IMMP2L: variants seen among roughly 807,000 people sequenced by gnomAD.
The protein encoded by IMMP2L is mitochondrial inner membrane protease subunit 2.
IMMP2L carries 18 observed loss-of-function variants against 19.3 expected under a neutral mutation model. The observed-to-expected ratio is 0.93, with a 90% confidence interval of 0.64 to 1.38. IMMP2L has a LOEUF of 1.38. Ranked by LOEUF, IMMP2L falls within the 40% of genes most tolerant of loss-of-function variation. IMMP2L has a pLI of 0.00. For missense variants in IMMP2L, 233 were observed against 218.2 expected, an observed-to-expected ratio of 1.07 and a Z score of -0.43; for synonymous variants, 76 against 73.0, an observed-to-expected ratio of 1.04 and a Z score of -0.21.
At chr7:111,514,582 AG>A (rs1845722590) in intron 2 of IMMP2L, among the ~76,000 whole-genome samples, 1 of 152,144 alleles carries the variant, frequency 6.6e-6, no homozygotes. Context: ...ACCTCAGTAA[AG>A]CTGGAAAACA....
rs1801326366 is a variant in IMMP2L, at chr7:111,126,503, A to G, written c.240-162938T>C. On this transcript the variant is annotated intron_variant, in intron 3 of 5. Transcript: ENST00000405709. ...TCTGAAACTATTTTAAAGTAAAAGA[A>G]ACAATTAAGAATTTAATTTTTTAGT... Among the ~76,000 whole-genome samples, 4 of 152,310 alleles carry G rather than the reference A, an allele frequency of 2.6e-5. No individual in the cohort carries two copies. The South Asian group carries it at 6.2e-4, about 24-fold the overall frequency.
intron 3 of IMMP2L, among the ~76,000 whole-genome samples, chr7:111,155,218 A>C (rs1402538559): frequency 6.6e-6 from 1 of 152,106 alleles, no homozygotes; most frequent in African/African-American, 2.4e-5. Flanking sequence ...AACTTCCTTA[A>C]GTGGAATGCA....
At chr7:110,986,578 A>T (rs1821884152) in intron 3 of IMMP2L, among the ~76,000 whole-genome samples, 1 of 152,134 alleles carries the variant, frequency 6.6e-6, no homozygotes. Context: ...AGAGCTTGTC[A>T]CCTATTATCC....
intron 3 of IMMP2L, among the ~76,000 whole-genome samples, chr7:111,309,600 T>C (rs988497624): frequency 7.9e-5 from 12 of 152,086 alleles, no homozygotes; most frequent in Non-Finnish European, 1.2e-4. Flanking sequence ...GTTCAATAGA[T>C]ACAATATAGG....
chr7:110,744,249 A>G (rs755123615), intron 5 of IMMP2L, among the ~76,000 whole-genome samples: 1 of 152,222 alleles, frequency 6.6e-6, no homozygotes, highest in Non-Finnish European at 1.5e-5. Context: ...AGCCCCAGTC[A>G]GGGACTTATA....
chr7:111,037,808 A>T (rs1791494445), intron 3 of IMMP2L, among the ~76,000 whole-genome samples: 1 of 152,228 alleles, frequency 6.6e-6, no homozygotes, highest in South Asian at 2.1e-4. Flanking sequence ...AATAAAAGGC[A>T]TAATGAAAAG....
intron 1 of IMMP2L, among the ~76,000 whole-genome samples, chr7:111,536,330 C>T (rs1328578889): frequency 6.6e-6 from 1 of 151,864 alleles, no homozygotes; most frequent in Admixed American, 6.6e-5. Context: ...TTTTTTGAAA[C>T]AAGGTCTCCC....
intron 1 of IMMP2L, among the ~76,000 whole-genome samples, chr7:111,524,339 T>C (rs13241297): frequency 0.034 from 5,099 of 152,038 alleles, 138 homozygotes; most frequent in South Asian, 0.057. Context: ...CCCATGTACA[T>C]AGGAAAAAAA....
chr7:111,167,066 A>G (rs1053941383), intron 3 of IMMP2L, among the ~76,000 whole-genome samples: 1 of 151,888 alleles, frequency 6.6e-6, no homozygotes, highest in African/African-American at 2.4e-5. Flanking sequence ...CAACACTATC[A>G]CAAGCCCATG....
chr7:111,167,938 C>A (rs142809878), intron 3 of IMMP2L, among the ~76,000 whole-genome samples: 106 of 151,836 alleles, frequency 7.0e-4, no homozygotes, highest in African/African-American at 2.4e-3. Context: ...TTTTATTTTG[C>A]AGATCTCTGC....
intron 5 of IMMP2L, among the ~76,000 whole-genome samples, chr7:110,691,105 T>C (rs746348253): frequency 3.3e-5 from 5 of 152,228 alleles, no homozygotes; most frequent in Admixed American, 6.5e-5. Flanking sequence ...TAGTAGGTAC[T>C]TGTATAAAAG....
intron 5 of IMMP2L, among the ~76,000 whole-genome samples, chr7:110,799,733 G>A (rs906759683): frequency 1.3e-5 from 2 of 152,058 alleles, no homozygotes; most frequent in African/African-American, 4.8e-5. Flanking sequence ...AATGTTCAGT[G>A]GTAGCCTTTT....
intron 2 of IMMP2L, among the ~76,000 whole-genome samples, chr7:111,499,450 T>C (rs148276575): frequency 6.6e-6 from 1 of 152,280 alleles, no homozygotes; most frequent in Non-Finnish European, 1.5e-5. Context: ...TTCATATCCG[T>C]TAATTCATGA....
In IMMP2L at chr7:111,539,242, GAAA is replaced by G. The variant is rs1563331301; in HGVS notation, c.-2-17796_-2-17794del. Among the ~76,000 whole-genome samples the G allele has an allele frequency of 1.4e-4, 20 of 143,738 alleles. 2 individuals are homozygous for G. Among genetic ancestry groups the G allele is most frequent in the African/African-American group, 2.1e-4 (8 of 37,354 alleles). The allele number at this position is 143,738 out of a possible 152,430, so 94.3% of individuals were successfully genotyped here. A position where few individuals can be genotyped will look rare whatever the true frequency, so the allele number is the denominator to read the frequency against. ...AGAAAGAAAGAAAGAAAGAAAGAAA[GAAA>G]GAAAGAAAGAAAGAAAGAAAGAAAG... On this transcript the variant is annotated intron_variant, in intron 1 of 5. Transcript: ENST00000405709.
intron 5 of IMMP2L, among the ~76,000 whole-genome samples, chr7:110,782,633 A>G (rs1486215138): frequency 6.6e-6 from 1 of 151,862 alleles, no homozygotes; most frequent in Non-Finnish European, 1.5e-5. Flanking sequence ...TACATAAGGA[A>G]CGCTTATAAA....
rs191385628 is a variant in IMMP2L, at chr7:111,330,486, G to A, written c.239+156752C>T. Reference sequence around the variant, plus strand: ...ACAACCACAACTTATATACTGAAAGGGCCCACTAGCCACGGGGTGGGGGGA... The same window carrying A: ...ACAACCACAACTTATATACTGAAAGAGCCCACTAGCCACGGGGTGGGGGGA... On this transcript the variant is annotated intron_variant, in intron 3 of 5. Transcript: ENST00000405709. Among the ~76,000 whole-genome samples, 9 of 151,312 alleles carry A rather than the reference G, an allele frequency of 5.9e-5. No individual in the cohort carries two copies. In the East Asian group the frequency reaches 1.7e-3, roughly 29 times the overall value.
intron 5 of IMMP2L, among the ~76,000 whole-genome samples, chr7:110,828,469 G>C (rs754025982): frequency 1.3e-5 from 2 of 152,066 alleles, no homozygotes; most frequent in Non-Finnish European, 2.9e-5. Flanking sequence ...GTCAAATCAA[G>C]GATCTTTGGA....
intron 3 of IMMP2L, among the ~76,000 whole-genome samples, chr7:111,323,636 A>T (rs1432661338): frequency 6.6e-6 from 1 of 152,120 alleles, no homozygotes; most frequent in East Asian, 1.9e-4. Context: ...CCATCCCATT[A>T]CTGGGTATAT....
intron 3 of IMMP2L, among the ~76,000 whole-genome samples, chr7:111,418,175 T>C (rs79831044): frequency 0.011 from 1,640 of 151,948 alleles, 76 homozygotes; most frequent in African/African-American, 0.036. Flanking sequence ...GAAATTGTAA[T>C]CAGTTGTGAT....
Sources: allele counts gnomAD v4.1 joint callset (sites outside exome capture counted in the v4.1 genomes callset), GRCh38; gene constraint gnomAD v4.1.1; transcripts MANE v1.5; gene names NCBI Gene and HGNC (gene_info 2026-07-23, HGNC 2026-07-21).